Variants in RGS12 observed in about 807,000 individuals in gnomAD.
The protein encoded by RGS12 is regulator of G-protein signaling 12.
A neutral mutation model predicts 120.1 loss-of-function variants in RGS12; 66 were observed. That is an observed-to-expected ratio of 0.55 (90% CI 0.45 to 0.67). The LOEUF (loss-of-function observed/expected upper bound fraction) is 0.67, where lower values mean the gene tolerates loss of function less well. Ranked by LOEUF, RGS12 falls within the 30% of genes least tolerant of loss-of-function variation. The probability of loss-of-function intolerance (pLI) is 0.00; values close to 1 mark genes in which losing one functional copy is unlikely to be tolerated. For synonymous variants in RGS12, 827 were observed against 804.7 expected (o/e 1.03, Z -0.47); for missense variants, 1,859 against 1,957.7 (o/e 0.95, Z 0.95).
intron 4 of RGS12, among the ~76,000 whole-genome samples, chr4:3,409,449 A>C (rs1721500036): frequency 6.6e-6 from 1 of 152,262 alleles, no homozygotes; most frequent in Admixed American, 6.5e-5. Flanking sequence ...GATGTTAGTC[A>C]ATACACCAGT....
rs886551663 is a variant in RGS12 at position 3,422,697 on chromosome 4, G to A, written c.3033+127G>A. 7.7e-6 allele frequency: 9 copies of A among 1,165,484 alleles called. No individual in the cohort carries two copies. The East Asian group carries it at 1.0e-4, about 13-fold the overall frequency. The allele number at this position is 1,165,484 out of a possible 1,614,324, so 72.2% of individuals were successfully genotyped here. The stretch of plus-strand genomic sequence containing the variant: ...CCTCATTTCAACAGCGCCTGGGGCG[G>A]AGGCCGGATTATCTGAACTGAGCTA... On this transcript the variant is annotated intron_variant, in intron 11 of 17. Transcript: ENST00000336727.
intron 6 of RGS12, among the ~76,000 whole-genome samples, chr4:3,415,296 A>G (rs1417492326): frequency 1.3e-5 from 2 of 152,118 alleles, no homozygotes; most frequent in African/African-American, 4.8e-5. Context: ...ATATTTTCAC[A>G]TGGCTTGAAA....
chr4:3,438,636 C>T (rs555918151), intron 17 of RGS12, among the ~76,000 whole-genome samples: 1 of 152,276 alleles, frequency 6.6e-6, no homozygotes, highest in African/African-American at 2.4e-5. Context: ...CAGGGGTCCA[C>T]GTGGAGGTCA....
intron 17 of RGS12, among the ~76,000 whole-genome samples, chr4:3,435,344 C>T (rs776269855): frequency 9.9e-5 from 15 of 152,120 alleles, no homozygotes; most frequent in Non-Finnish European, 1.9e-4. Context: ...CAAGAGAGGC[C>T]TCCTCGGCAG....
At chr4:3,294,186 C>A (rs918726325) in intron 1 of RGS12, among the ~76,000 whole-genome samples, 1 of 152,268 alleles carries the variant, frequency 6.6e-6, no homozygotes, top group African/African-American at 2.4e-5. Context: ...GTGGTCCATG[C>A]CGTCCTGTGC....
intron 3 of RGS12, among the ~76,000 whole-genome samples, chr4:3,368,459 C>T (rs1187513577): frequency 3.5e-5 from 2 of 56,844 alleles, no homozygotes; most frequent in African/African-American, 1.2e-4. Context: ...TGTGGGGTGC[C>T]TTTGTGTGTG....
At chr4:3,401,701 G>A (rs1002330310) in intron 4 of RGS12, among the ~76,000 whole-genome samples, 3 of 152,260 alleles carry the variant, frequency 2.0e-5, no homozygotes, top group Non-Finnish European at 4.4e-5. Context: ...TGTGGACTAG[G>A]TAACACCAGG....
In RGS12 at chr4:3,399,285, G is replaced by T. The variant is rs889624778; in HGVS notation, c.2020+12848G>T. ...GATAAATGCAGAAATTATCAAAATAGAAAAAACCAAACAGTATACAACTAA... is the reference window on the plus strand; with the variant it reads ...GATAAATGCAGAAATTATCAAAATATAAAAAACCAAACAGTATACAACTAA... On this transcript the variant is annotated intron_variant, in intron 4 of 17. Coordinates refer to ENST00000336727, the MANE Select transcript of RGS12 (RefSeq NM_001394154.1). Among the ~76,000 whole-genome samples, 3 of 152,212 alleles carry T rather than the reference G, an allele frequency of 2.0e-5. No homozygotes were observed. In the South Asian group the frequency reaches 6.2e-4, roughly 32 times the overall value.
At chr4:3,310,785 G>A (rs981375367) in intron 1 of RGS12, among the ~76,000 whole-genome samples, 1 of 152,066 alleles carries the variant, frequency 6.6e-6, no homozygotes, top group African/African-American at 2.4e-5. Flanking sequence ...GGTGTGAGGT[G>A]GGCAGGCGCC....
rs562511363 is a variant in RGS12 at position 3,410,513 on chromosome 4, G to A, written c.2021-3559G>A. Among the ~76,000 whole-genome samples, 22 of 152,324 alleles carry A rather than the reference G, an allele frequency of 1.4e-4. No homozygotes were observed. The East Asian group carries it at 3.9e-3, about 27-fold the overall frequency. On this transcript the variant is annotated intron_variant, in intron 4 of 17. Coordinates refer to ENST00000336727, the MANE Select transcript of RGS12 (RefSeq NM_001394154.1). ...GCTGTCCAGCCAGCTCTGGTCTTCC[G>A]TCTCCCAGCACTGGGCGGGAGGTCC...
At chr4:3,304,187 C>T (rs1350104513) in intron 1 of RGS12, among the ~76,000 whole-genome samples, 2 of 152,220 alleles carry the variant, frequency 1.3e-5, no homozygotes, top group Non-Finnish European at 2.9e-5. Flanking sequence ...TTATTAAAAA[C>T]CCACGAAAAA....
chr4:3,346,146 G>T (rs1051001530), intron 3 of RGS12, among the ~76,000 whole-genome samples: 3 of 152,094 alleles, frequency 2.0e-5, no homozygotes, highest in African/African-American at 4.8e-5. Flanking sequence ...CCTTCTTTAC[G>T]CAATGGATAA....
At position 3,374,381 on chromosome 4, in the gene RGS12, C is replaced by T. The variant is rs1393089803; in HGVS notation, c.1999-12035C>T. 2.0e-5 allele frequency among the ~76,000 whole-genome samples: 3 copies of T among 152,172 alleles called. No individual in the cohort carries two copies. The highest frequency in any genetic ancestry group is 4.8e-5 in the African/African-American group (2 of 41,454). On this transcript the variant is annotated intron_variant, in intron 3 of 17. Coordinates refer to ENST00000336727, the MANE Select transcript of RGS12 (RefSeq NM_001394154.1). The surrounding 1 kb of genome is among the most constrained non-coding windows in gnomAD (Gnocchi z 6.3). Reference sequence around the variant, plus strand: ...GGCTGGGCGGGGACCGGTCTCCTTCCGCCACCACCTTCCACGACAGGCTCG... The same window carrying T: ...GGCTGGGCGGGGACCGGTCTCCTTCTGCCACCACCTTCCACGACAGGCTCG...
At chr4:3,296,061 C>A (rs1173143675) in intron 1 of RGS12, among the ~76,000 whole-genome samples, 1 of 148,926 alleles carries the variant, frequency 6.7e-6, no homozygotes. Context: ...GTTCACCCCC[C>A]TGGTCAGCTT....
intron 1 of RGS12, among the ~76,000 whole-genome samples, chr4:3,315,612 G>A (rs1210104819): frequency 2.0e-5 from 3 of 152,250 alleles, no homozygotes; most frequent in South Asian, 4.1e-4. Flanking sequence ...TTCTGCAGGT[G>A]CCTTTGAACC....
At chr4:3,384,693 G>A (rs533162618) in intron 3 of RGS12, among the ~76,000 whole-genome samples, 4 of 152,360 alleles carry the variant, frequency 2.6e-5, no homozygotes, top group Non-Finnish European at 5.9e-5. Context: ...AGGCTGCTGT[G>A]TGTTTTCACT....
chr4:3,304,026 T>C (rs1406104619), intron 1 of RGS12, among the ~76,000 whole-genome samples: 1 of 152,214 alleles, frequency 6.6e-6, no homozygotes, highest in Non-Finnish European at 1.5e-5. Flanking sequence ...TGCCTAGCAA[T>C]GTGTGGGATC....
At position 3,297,342 on chromosome 4, in the gene RGS12, C is replaced by G. The variant is rs575987226; in HGVS notation, c.-102+4243C>G. On this transcript the variant is annotated intron_variant, in intron 1 of 17. Coordinates refer to ENST00000336727, the MANE Select transcript of RGS12 (RefSeq NM_001394154.1). ...TAGGCATTCTCCTGCCCTGCCTGGC[C>G]GCAGCCCCCAGAGGCGGGATCCTAA... 3.3e-5 allele frequency among the ~76,000 whole-genome samples: 5 copies of G among 152,292 alleles called. No individual in the cohort carries two copies. In the East Asian group the frequency reaches 9.7e-4, roughly 29 times the overall value.
At chr4:3,437,524 T>C (rs550860056) in intron 17 of RGS12, among the ~76,000 whole-genome samples, 42 of 152,304 alleles carry the variant, frequency 2.8e-4, no homozygotes, top group Admixed American at 1.1e-3. Context: ...CCCTGCAGCC[T>C]GGCATCTGGA....
Sources: allele counts gnomAD v4.1 joint callset (sites outside exome capture counted in the v4.1 genomes callset), GRCh38; gene constraint gnomAD v4.1.1; non-coding constraint Gnocchi (gnomAD v3.1); transcripts MANE v1.5; gene names NCBI Gene and HGNC (gene_info 2026-07-23, HGNC 2026-07-21).